WNT8A: variants seen among roughly 807,000 people sequenced by gnomAD.
The protein encoded by WNT8A is Wnt family member 8A, also known as protein Wnt-8a.
Under a neutral mutation model 20.5 loss-of-function variants are expected in WNT8A, and 14 were observed. The observed-to-expected ratio is 0.68, with a 90% CI of 0.45 to 1.07. WNT8A has a LOEUF of 1.07. WNT8A is among the 50% of genes least tolerant of loss of function. The pLI, the probability that WNT8A is intolerant of heterozygous loss-of-function variation, is 0.00. For synonymous variants in WNT8A, 167 were observed against 169.2 expected (o/e 0.99, Z 0.10); for missense variants, 397 against 462.9 (o/e 0.86, Z 1.31).
upstream of WNT8A, among the ~76,000 whole-genome samples, chr5:138,082,913 A>T (rs1048518221): frequency 7.1e-6 from 1 of 141,316 alleles, no homozygotes; most frequent in Non-Finnish European, 1.6e-5. Flanking sequence ...ATAAATAAAT[A>T]AATAAATAAA....
chr5:138,088,768 GGC>G (rs1750752921), intron 3 of WNT8A, among the ~76,000 whole-genome samples, 157 bp from the exon 4 acceptor site: 1 of 152,016 alleles, frequency 6.6e-6, no homozygotes, highest in South Asian at 2.1e-4. Flanking sequence ...GTGGGCAGTT[GGC>G]TTTGGCAACA....
chr5:138,084,196 C>T lies in WNT8A; in HGVS notation c.69C>T (p.Gly23=), dbSNP rs779506010. Residue 23 remains glycine, a synonymous_variant, in exon 1 of 5, where the codon GGC becomes GGT. Coordinates refer to ENST00000506684, the MANE Select transcript of WNT8A (RefSeq NM_001300939.2). Reference sequence around the variant, plus strand: ...CAACCCTCACTCCTTGCCAAGGAGGCCCCCATTGTCTCATCCCCATTCACC... The same window carrying T: ...CAACCCTCACTCCTTGCCAAGGAGGTCCCCATTGTCTCATCCCCATTCACC... ...PFPTLTPCQG[G]PHCLIPIHLC... 4 of 1,614,184 alleles carry T rather than the reference C, an allele frequency of 2.5e-6. No individual in the cohort carries two copies. The highest frequency in any genetic ancestry group is 3.4e-6 in the Non-Finnish European group (4 of 1,180,010).
In WNT8A at chr5:138,091,479, A is replaced by G. The variant is rs1581365000; in HGVS notation, c.*406A>G. On this transcript the variant is annotated 3_prime_UTR_variant, in exon 5 of 5. Coordinates refer to ENST00000506684, the MANE Select transcript of WNT8A (RefSeq NM_001300939.2). ...ATCAGGAGAATAGAAGCAAAAAACG[A>G]AAGAGTTCTGTTCAGACTTCTGAAG... 3.0e-6 allele frequency: 4 copies of G among 1,351,890 alleles called. No individual in the cohort carries two copies. In the South Asian group the frequency reaches 3.4e-5, roughly 12 times the overall value. The allele number at this position is 1,351,890 out of a possible 1,614,324, so 83.7% of individuals were successfully genotyped here.
upstream of WNT8A, chr5:138,084,011 C>A: frequency 7.4e-7 from 1 of 1,343,432 alleles, no homozygotes; most frequent in Non-Finnish European, 1.0e-6. Context: ...CACATAAATA[C>A]TGAGGAAGAC....
intron 1 of WNT8A, 31 bp from the exon 2 acceptor site, chr5:138,084,467 C>T (rs771945025): frequency 1.3e-6 from 2 of 1,576,410 alleles, no homozygotes; most frequent in Admixed American, 3.6e-5. Context: ...CCATACCGGG[C>T]AGAAGCTCAC....
intron 3 of WNT8A, 114 bp downstream of exon 3, chr5:138,088,045 TC>T: frequency 1.4e-6 from 2 of 1,437,068 alleles, no homozygotes; most frequent in Non-Finnish European, 1.9e-6. Context: ...ACCTCAAGAC[TC>T]CAGCAACTCC....
downstream of WNT8A, among the ~76,000 whole-genome samples, chr5:138,091,796 A>C (rs1426205398): frequency 7.6e-6 from 1 of 131,628 alleles, no homozygotes; most frequent in Non-Finnish European, 1.7e-5. Flanking sequence ...ATTGCACTCC[A>C]ACCTGGGCAA....
chr5:138,085,233 C>T (rs1017003605), intron 2 of WNT8A, among the ~76,000 whole-genome samples: 7 of 152,196 alleles, frequency 4.6e-5, no homozygotes, highest in African/African-American at 1.4e-4. Flanking sequence ...CCGTGCCCAG[C>T]GGAAATTACT....
intron 4 of WNT8A, among the ~76,000 whole-genome samples, chr5:138,089,412 G>T (rs1026617436): frequency 1.3e-5 from 2 of 152,180 alleles, no homozygotes; most frequent in African/African-American, 4.8e-5. Context: ...GCATGTTCTA[G>T]TAAATTAACA....
chr5:138,090,736 C>G lies in WNT8A; in HGVS notation c.773C>G (p.Ala258Gly). Residue 258 changes from alanine to glycine, a missense_variant, in exon 5 of 5, where the codon GCC becomes GGC. Ala to Gly is a moderately conservative substitution (Grantham distance 60). Transcript: ENST00000506684. ...SAEGHWVPAE[A>G]FLPSAEAELI... The stretch of plus-strand genomic sequence containing the variant: ...GAGGGCCACTGGGTGCCCGCTGAGG[C>G]CTTCCTTCCTAGCGCAGAGGCGGAA... 2 of 1,614,250 alleles carry G rather than the reference C, an allele frequency of 1.2e-6. No individual in the cohort carries two copies. Among genetic ancestry groups the G allele is most frequent in the Non-Finnish European group, 8.5e-7 (1 of 1,180,044 alleles).
chr5:138,081,886 G>A (rs538846835), upstream of WNT8A, among the ~76,000 whole-genome samples: 17 of 152,244 alleles, frequency 1.1e-4, no homozygotes, highest in African/African-American at 4.1e-4. Flanking sequence ...TATGTCAGAA[G>A]GACAACAGTC....
chr5:138,088,611 C>T (rs1750747438), intron 3 of WNT8A, among the ~76,000 whole-genome samples: 1 of 152,120 alleles, frequency 6.6e-6, no homozygotes, highest in Non-Finnish European at 1.5e-5. Flanking sequence ...CTGCCTTGGC[C>T]TCCCAAAGTG....
chr5:138,078,051 A>T, the WNT8A span, among the ~76,000 whole-genome samples: 1 of 152,130 alleles, frequency 6.6e-6, no homozygotes, highest in East Asian at 1.9e-4. Context: ...CTGAAAGGGA[A>T]AACAGAAGTA....
chr5:138,087,681 A>AAAAC, intron 2 of WNT8A, 125 bp from the exon 3 acceptor site: 1 of 854,700 alleles, frequency 1.2e-6, no homozygotes, highest in Non-Finnish European at 1.7e-6. Context: ...AAAAGAAAGA[A>AAAAC]AAGCATCCTC....
At chr5:138,081,696 C>T (rs1405330427), upstream of WNT8A, among the ~76,000 whole-genome samples, 2 of 151,876 alleles carry the variant, frequency 1.3e-5, no homozygotes, top group Non-Finnish European at 2.9e-5. Context: ...AGAGAGCTTG[C>T]GGGGGGCTGG....
upstream of WNT8A, among the ~76,000 whole-genome samples, chr5:138,082,524 G>A (rs1750533970): frequency 6.6e-6 from 1 of 151,952 alleles, no homozygotes; most frequent in Admixed American, 6.6e-5. Context: ...GTTGCAGTAA[G>A]TTGAGATGGC....
upstream of WNT8A, among the ~76,000 whole-genome samples, chr5:138,083,633 T>A (rs147234632): frequency 3.8e-4 from 58 of 152,254 alleles, no homozygotes; most frequent in African/African-American, 1.3e-3. Flanking sequence ...TTGGGGAGGA[T>A]GGCAGGACAG....
the WNT8A span, among the ~76,000 whole-genome samples, chr5:138,078,077 C>A: frequency 2.0e-5 from 3 of 151,794 alleles, no homozygotes; most frequent in African/African-American, 7.3e-5. Flanking sequence ...CTTTTTTTCC[C>A]AGAGCATATT....
Position 138,091,501 on chromosome 5 carries a change from G to A in WNT8A, c.*428G>A. 7.5e-7 allele frequency: 1 copy of A among 1,340,498 alleles called. No homozygotes were observed. The highest frequency in any genetic ancestry group is 9.8e-7 in the Non-Finnish European group (1 of 1,015,730). The allele number at this position is 1,340,498 out of a possible 1,614,324, so 83.0% of individuals were successfully genotyped here. On this transcript the variant is annotated 3_prime_UTR_variant, in exon 5 of 5. Transcript: ENST00000506684. ...ACGAAAGAGTTCTGTTCAGACTTCT[G>A]AAGAGCAGCCTGTGGCTACAAATCT...
Sources: allele counts gnomAD v4.1 joint callset (sites outside exome capture counted in the v4.1 genomes callset), GRCh38; gene constraint gnomAD v4.1.1; transcripts MANE v1.5; gene names NCBI Gene and HGNC (gene_info 2026-07-23, HGNC 2026-07-21).